ATP8A2: variants seen among roughly 807,000 people sequenced by gnomAD.
ATP8A2 encodes the protein ATPase phospholipid transporting 8A2.
ATP8A2 carries 100 observed loss-of-function variants against 165.6 expected under a neutral mutation model. The ratio of observed to expected loss-of-function variants is 0.60; its 90% CI spans 0.51 to 0.71. The LOEUF (loss-of-function observed/expected upper bound fraction) is 0.71, where lower values mean the gene tolerates loss of function less well. ATP8A2 is among the 30% of genes least tolerant of loss of function. The pLI is 0.00. For missense variants in ATP8A2, 1,227 were observed against 1,479.5 expected, an observed-to-expected ratio of 0.83 and a Z score of 2.80; for synonymous variants, 543 against 548.8, an observed-to-expected ratio of 0.99 and a Z score of 0.15.
At chr13:25,513,135 G>T (rs557185399) in intron 2 of ATP8A2, among the ~76,000 whole-genome samples, 169 of 152,100 alleles carry the variant, frequency 1.1e-3, no homozygotes, top group African/African-American at 4.0e-3. Context: ...GTGGCTGCCG[G>T]GCGGAGGGGC....
intron 24 of ATP8A2, among the ~76,000 whole-genome samples, chr13:25,598,802 T>C (rs934538524): frequency 6.6e-6 from 1 of 152,184 alleles, no homozygotes; most frequent in African/African-American, 2.4e-5. Context: ...TTTTATTGTA[T>C]GATGGTTATT....
At chr13:25,751,453 T>C (rs947846015) in intron 25 of ATP8A2, among the ~76,000 whole-genome samples, 53 of 146,654 alleles carry the variant, frequency 3.6e-4, no homozygotes, top group African/African-American at 1.4e-3. Context: ...TATTTTATGA[T>C]TTTTTTTTCT....
intron 25 of ATP8A2, among the ~76,000 whole-genome samples, chr13:25,741,334 A>G (rs1388372478): frequency 6.6e-6 from 1 of 152,144 alleles, no homozygotes; most frequent in Non-Finnish European, 1.5e-5. Context: ...CCAGACTAGA[A>G]GTGTCCCTAA....
chr13:25,436,816 C>A (rs189407947), intron 1 of ATP8A2, among the ~76,000 whole-genome samples: 1 of 151,802 alleles, frequency 6.6e-6, no homozygotes, highest in Non-Finnish European at 1.5e-5. Context: ...CACTCTGTCA[C>A]CTAGGCTGGA....
chr13:25,474,407 A>G (rs934295707), intron 2 of ATP8A2, among the ~76,000 whole-genome samples: 5 of 151,854 alleles, frequency 3.3e-5, no homozygotes, highest in African/African-American at 4.8e-5. Flanking sequence ...TAAAAATACA[A>G]AAAAATTAGC....
At chr13:25,815,067 G>T (rs1447509063) in intron 27 of ATP8A2, among the ~76,000 whole-genome samples, 1 of 151,338 alleles carries the variant, frequency 6.6e-6, no homozygotes, top group Non-Finnish European at 1.5e-5. Context: ...ATGAATCAAA[G>T]ACCTAAACGT....
chr13:25,698,063 T>C (rs1422759462), intron 24 of ATP8A2, among the ~76,000 whole-genome samples: 2 of 152,180 alleles, frequency 1.3e-5, no homozygotes, highest in Non-Finnish European at 2.9e-5. Context: ...TGCATATGAA[T>C]GTTACTTAAT....
chr13:25,750,611 T>G lies in ATP8A2; in HGVS notation c.2385-18435T>G, dbSNP rs575151355. ...CCCTTCGCCCCACCACGTGATGGGA[T>G]TCTAGAAATGAGTGTGTTCCAGTAA... On this transcript the variant is annotated intron_variant, in intron 25 of 36. Coordinates refer to ENST00000381655, the MANE Select transcript of ATP8A2 (RefSeq NM_016529.6). The surrounding 1 kb of genome is among the most constrained non-coding windows in gnomAD (Gnocchi z 4.3). Among the ~76,000 whole-genome samples, 21 of 152,274 alleles carry G rather than the reference T, an allele frequency of 1.4e-4. No homozygotes were observed. Among genetic ancestry groups the G allele is most frequent in the African/African-American group, 4.8e-4 (20 of 41,558 alleles).
chr13:25,589,521 A>T (rs903548531), intron 23 of ATP8A2, 114 bp from the exon 24 acceptor site: 3 of 718,498 alleles, frequency 4.2e-6, no homozygotes, highest in African/African-American at 3.5e-5. Context: ...CTGTTACCCT[A>T]TTCCTCTGTG....
At chr13:25,701,475 G>A (rs2042950064) in intron 25 of ATP8A2, among the ~76,000 whole-genome samples, 1 of 152,116 alleles carries the variant, frequency 6.6e-6, no homozygotes, top group Non-Finnish European at 1.5e-5. Flanking sequence ...TGAGTCATGG[G>A]AGTCAGCCAC....
At chr13:26,000,669 G>T (rs1956614237) in intron 35 of ATP8A2, among the ~76,000 whole-genome samples, 1 of 131,418 alleles carries the variant, frequency 7.6e-6, no homozygotes, top group Non-Finnish European at 1.5e-5. Flanking sequence ...ATAGTTCCCA[G>T]CTAGCATACC....
chr13:25,898,827 G>A (rs1487164074), intron 33 of ATP8A2, among the ~76,000 whole-genome samples: 2 of 152,224 alleles, frequency 1.3e-5, no homozygotes, highest in Non-Finnish European at 2.9e-5. Flanking sequence ...AACCCTCCGA[G>A]CTAGGTGCCG....
rs1052430037 is a variant in ATP8A2 at position 25,575,309 on chromosome 13, C to T, written c.1712+452C>T. 3.3e-5 allele frequency among the ~76,000 whole-genome samples: 5 copies of T among 152,322 alleles called. No individual in the cohort carries two copies. In the East Asian group the frequency reaches 5.8e-4, roughly 18 times the overall value. ...TTCATCCCATTAGAGGCTGGGTCCA[C>T]GTAGGGAAGTTTTCCTGGACTTATT... On this transcript the variant is annotated intron_variant, in intron 19 of 36. Coordinates refer to ENST00000381655, the MANE Select transcript of ATP8A2 (RefSeq NM_016529.6).
chr13:25,601,608 G>A (rs1488009421), intron 24 of ATP8A2, among the ~76,000 whole-genome samples: 1 of 152,118 alleles, frequency 6.6e-6, no homozygotes, highest in African/African-American at 2.4e-5. Context: ...GGGACTACAG[G>A]CGCGCTACAG....
intron 25 of ATP8A2, among the ~76,000 whole-genome samples, chr13:25,756,796 C>G (rs926604729): frequency 7.2e-5 from 11 of 152,192 alleles, no homozygotes; most frequent in African/African-American, 2.4e-4. Flanking sequence ...TGCTGCTGCC[C>G]TATCATTATT....
chr13:25,577,118 C>T lies in ATP8A2; in HGVS notation c.1762C>T (p.Arg588Trp), dbSNP rs757284384. Residue 588 changes from arginine to tryptophan, a missense_variant, in exon 20 of 37, where the codon CGG becomes TGG. Around this residue, in one of 5 missense-constraint regions of ATP8A2, gnomAD observed 592 missense variants for 785.6 expected, o/e 0.75. Transcript: ENST00000381655. Reference protein sequence around the residue: ...VIVRTPSGRLRLYCKGADNVI... With the variant: ...VIVRTPSGRLWLYCKGADNVI... ...TGTTCGAACTCCTTCAGGACGACTT[C>T]GGCTTTACTGTAAAGGGGCTGTAAG... The T allele has an allele frequency of 5.0e-6, 8 of 1,613,868 alleles. No individual in the cohort carries two copies. The highest frequency in any genetic ancestry group is 2.2e-5 in the East Asian group (1 of 44,864).
chr13:25,474,428 G>A (rs1417459594), intron 2 of ATP8A2, among the ~76,000 whole-genome samples: 1 of 152,020 alleles, frequency 6.6e-6, no homozygotes, highest in African/African-American at 2.4e-5. Flanking sequence ...TGGGCGTGGT[G>A]GTGGGCGCCT....
intron 35 of ATP8A2, among the ~76,000 whole-genome samples, chr13:25,999,225 G>A (rs1467244995): frequency 1.3e-5 from 2 of 152,166 alleles, no homozygotes; most frequent in Non-Finnish European, 2.9e-5. Flanking sequence ...CCGGCTGAAT[G>A]AACCCTCTAG....
rs138088711 is a variant in ATP8A2, at chr13:25,743,639, A to T, written c.2385-25407A>T. Reference sequence around the variant, plus strand: ...GGTAGATGTATCATCAGGTTCTGGCATGTGTGGGACAGGAAACGCCTGAAG... The same window carrying T: ...GGTAGATGTATCATCAGGTTCTGGCTTGTGTGGGACAGGAAACGCCTGAAG... On this transcript the variant is annotated intron_variant, in intron 25 of 36. Transcript: ENST00000381655. 1.5e-3 allele frequency among the ~76,000 whole-genome samples: 231 copies of T among 152,324 alleles called. 1 individual carries two copies. In the Middle Eastern group the frequency reaches 0.02, roughly 13 times the overall value.
Sources: allele counts gnomAD v4.1 joint callset (sites outside exome capture counted in the v4.1 genomes callset), GRCh38; gene constraint gnomAD v4.1.1; regional missense constraint gnomAD v4.1.1; non-coding constraint Gnocchi (gnomAD v3.1); transcripts MANE v1.5; gene names NCBI Gene and HGNC (gene_info 2026-07-23, HGNC 2026-07-21).